Variants in SLC10A7 observed in about 807,000 individuals in gnomAD.
The protein encoded by SLC10A7 is sodium/bile acid cotransporter 7.
In SLC10A7, 29 loss-of-function variants were observed where a neutral mutation model predicts 43.2. The observed-to-expected ratio is 0.67, with a 90% CI of 0.50 to 0.92. SLC10A7 has a LOEUF of 0.92. SLC10A7 is among the 40% of genes least tolerant of loss of function. SLC10A7 has a pLI of 0.00. For missense variants in SLC10A7, 295 were observed against 403.2 expected, an observed-to-expected ratio of 0.73 and a Z score of 2.30; for synonymous variants, 152 against 144.8, an observed-to-expected ratio of 1.05 and a Z score of -0.35.
chr4:146,495,350 C>A (rs999349929), intron 4 of SLC10A7, among the ~76,000 whole-genome samples: 1 of 152,162 alleles, frequency 6.6e-6, no homozygotes, highest in African/African-American at 2.4e-5. Context: ...CCTTTTCACT[C>A]CTAGTCCTCT....
intron 6 of SLC10A7, among the ~76,000 whole-genome samples, chr4:146,320,392 A>G (rs1732621416): frequency 6.6e-6 from 1 of 152,028 alleles, no homozygotes; most frequent in Admixed American, 6.6e-5. Flanking sequence ...ATGTGAGGGC[A>G]TGGGGTGAGA....
intron 5 of SLC10A7, among the ~76,000 whole-genome samples, chr4:146,372,069 A>G (rs750163243): frequency 1.3e-5 from 2 of 152,180 alleles, no homozygotes; most frequent in Non-Finnish European, 2.9e-5. Context: ...AGAATCCCTT[A>G]GGGAATCTGA....
intron 5 of SLC10A7, among the ~76,000 whole-genome samples, chr4:146,416,225 A>C (rs1728554798): frequency 8.1e-6 from 1 of 123,052 alleles, no homozygotes; most frequent in African/African-American, 3.5e-5. Flanking sequence ...GCAAAAACTC[A>C]GTAGGGTTAG....
intron 7 of SLC10A7, among the ~76,000 whole-genome samples, chr4:146,305,594 TAAAA>T (rs201374314): frequency 6.8e-6 from 1 of 146,338 alleles, no homozygotes; most frequent in Admixed American, 6.8e-5. Context: ...AAAAAAAACT[TAAAA>T]AAAAAAGACT....
intron 5 of SLC10A7, among the ~76,000 whole-genome samples, chr4:146,408,949 T>A (rs1727934115): frequency 6.6e-6 from 1 of 152,114 alleles, no homozygotes; most frequent in South Asian, 2.1e-4. Context: ...TGGTTGTTAA[T>A]CCAGCAGCTA....
At chr4:146,277,162 C>T (rs993660916) in intron 10 of SLC10A7, among the ~76,000 whole-genome samples, 2 of 151,950 alleles carry the variant, frequency 1.3e-5, no homozygotes, top group African/African-American at 2.4e-5. Flanking sequence ...AAACATTTGA[C>T]GTGGAGGAAG....
chr4:146,349,226 G>C (rs562707732), intron 5 of SLC10A7, among the ~76,000 whole-genome samples: 5 of 152,010 alleles, frequency 3.3e-5, no homozygotes, highest in African/African-American at 1.2e-4. Flanking sequence ...CTCAAAAGAA[G>C]ACATACAAGC....
intron 5 of SLC10A7, among the ~76,000 whole-genome samples, chr4:146,362,789 C>T (rs961543325): frequency 3.3e-5 from 5 of 151,528 alleles, no homozygotes; most frequent in Admixed American, 1.3e-4. Context: ...AAGTTTTCAT[C>T]GTTTTAAAAT....
chr4:146,488,458 T>C (rs1417117208), intron 4 of SLC10A7, among the ~76,000 whole-genome samples: 2 of 152,216 alleles, frequency 1.3e-5, no homozygotes, highest in Admixed American at 6.5e-5. Context: ...ATGAGATATT[T>C]ACTTGACTAG....
rs150827343 is a variant in SLC10A7 at position 146,443,662 on chromosome 4, T to C, written c.397-841A>G. 3.2e-3 allele frequency among the ~76,000 whole-genome samples: 488 copies of C among 152,306 alleles called. 2 individuals are homozygous for C. Among genetic ancestry groups the C allele is most frequent in the Middle Eastern group, 6.8e-3 (2 of 294 alleles). ...ACCCAGAGCAGAATTAAATTAATCA[T>C]TGTGGACATTAGCAGCCACACTGTA... On this transcript the variant is annotated intron_variant, in intron 4 of 11. Coordinates refer to ENST00000335472, the MANE Select transcript of SLC10A7 (RefSeq NM_001029998.6).
At chr4:146,341,699 T>C (rs181967327) in intron 5 of SLC10A7, among the ~76,000 whole-genome samples, 14 of 151,936 alleles carry the variant, frequency 9.2e-5, no homozygotes, top group African/African-American at 2.9e-4. Flanking sequence ...TTCTCTGCCT[T>C]CTTGGGGCTT....
intron 4 of SLC10A7, among the ~76,000 whole-genome samples, chr4:146,456,776 C>T (rs1276588373): frequency 6.6e-6 from 1 of 151,886 alleles, no homozygotes; most frequent in African/African-American, 2.4e-5. Flanking sequence ...CTCCAGCCCC[C>T]TCCTCTTCCT....
chr4:146,268,027 G>A (rs1728671268), intron 10 of SLC10A7, among the ~76,000 whole-genome samples: 1 of 152,062 alleles, frequency 6.6e-6, no homozygotes, highest in Admixed American at 6.5e-5. Flanking sequence ...TGGCATATGA[G>A]GGAAAGGAAC....
intron 5 of SLC10A7, among the ~76,000 whole-genome samples, chr4:146,374,690 C>G (rs1387520647): frequency 3.3e-5 from 5 of 150,658 alleles, no homozygotes; most frequent in African/African-American, 1.2e-4. Context: ...GATGTGACCA[C>G]TATGGAAAGT....
intron 5 of SLC10A7, among the ~76,000 whole-genome samples, chr4:146,405,331 T>C (rs143898032): frequency 6.6e-6 from 1 of 152,322 alleles, no homozygotes; most frequent in Non-Finnish European, 1.5e-5. Context: ...TATATGTCAA[T>C]TCCTCCTCAC....
intron 6 of SLC10A7, among the ~76,000 whole-genome samples, chr4:146,319,652 T>A (rs1167089184): frequency 1.3e-5 from 2 of 152,076 alleles, no homozygotes; most frequent in African/African-American, 4.8e-5. Flanking sequence ...TATTATTGAA[T>A]GAGTAATGAA....
At chr4:146,365,042 T>G (rs368874802) in intron 5 of SLC10A7, among the ~76,000 whole-genome samples, 2 of 152,134 alleles carry the variant, frequency 1.3e-5, no homozygotes, top group Admixed American at 6.6e-5. Context: ...CTGCCAATCC[T>G]GAACAGCAAT....
chr4:146,397,877 A>C (rs1738947445), intron 5 of SLC10A7, among the ~76,000 whole-genome samples: 1 of 152,212 alleles, frequency 6.6e-6, no homozygotes, highest in African/African-American at 2.4e-5. Context: ...TGGAAACTAA[A>C]GCTGAAAGAA....
chr4:146,444,877 A>G lies in SLC10A7; in HGVS notation c.397-2056T>C, dbSNP rs75604266. 2.4e-3 allele frequency among the ~76,000 whole-genome samples: 360 copies of G among 152,348 alleles called. 3 individuals carry two copies. The highest frequency in any genetic ancestry group is 8.2e-3 in the African/African-American group (343 of 41,586). On this transcript the variant is annotated intron_variant, in intron 4 of 11. Transcript: ENST00000335472. ...TGAAACCAAGGATCTTGGGCTCAACAGCAACCGATAATTAAGGTAATAGTT... is the reference window on the plus strand; with the variant it reads ...TGAAACCAAGGATCTTGGGCTCAACGGCAACCGATAATTAAGGTAATAGTT...
Sources: allele counts gnomAD v4.1 joint callset (sites outside exome capture counted in the v4.1 genomes callset), GRCh38; gene constraint gnomAD v4.1.1; transcripts MANE v1.5; gene names NCBI Gene and HGNC (gene_info 2026-07-23, HGNC 2026-07-21).